Variants in GDPD4 observed in about 807,000 individuals in gnomAD.
GDPD4 encodes glycerophosphodiester phosphodiesterase domain containing 4.
GDPD4 carries 60 observed loss-of-function variants against 67.8 expected under a neutral mutation model. The ratio of observed to expected loss-of-function variants is 0.88; its 90% CI spans 0.72 to 1.10. GDPD4 has a LOEUF of 1.10. Ranked by LOEUF, GDPD4 falls within the 50% of genes least tolerant of loss-of-function variation. The pLI, the probability that GDPD4 is intolerant of heterozygous loss-of-function variation, is 0.00. For missense variants in GDPD4, 623 were observed against 613.9 expected (o/e 1.01, Z -0.16); for synonymous variants, 212 against 210.9 (o/e 1.00, Z -0.04).
At chr11:77,275,643 C>A (rs992655154) in intron 5 of GDPD4, among the ~76,000 whole-genome samples, 3 of 152,196 alleles carry the variant, frequency 2.0e-5, no homozygotes, top group Admixed American at 6.5e-5. Flanking sequence ...TCCATCTCCT[C>A]TTCCCCTGGA....
chr11:77,290,723 C>G (rs1354090589), intron 1 of GDPD4, among the ~76,000 whole-genome samples: 1 of 152,022 alleles, frequency 6.6e-6, no homozygotes, highest in East Asian at 1.9e-4. Context: ...CAAACCAAAG[C>G]CCTTCTATTT....
At chr11:77,271,244 A>G in intron 6 of GDPD4, 21 bp from the exon 7 acceptor site, 1 of 1,609,502 alleles carries the variant, frequency 6.2e-7, no homozygotes, top group Non-Finnish European at 8.5e-7. Context: ...GCCAAAAGTC[A>G]GGCTGGATAC....
rs200357973 is a variant in GDPD4, at chr11:77,292,630, G to GA, written c.-253-5211dup. On this transcript the variant is annotated intron_variant, in intron 1 of 16. Transcript: ENST00000315938. ...ATGGATAATTAAATAGAAAAAATAG[G>GA]AAAAAAAATCAATGAAATCAAAAGT... 2.1e-3 allele frequency among the ~76,000 whole-genome samples: 320 copies of GA among 151,606 alleles called. 2 individuals carry two copies. The highest frequency in any genetic ancestry group is 6.9e-3 in the African/African-American group (286 of 41,350).
At chr11:77,279,527 G>A (rs1959655465) in intron 3 of GDPD4, 128 bp from the exon 4 acceptor site, 2 of 563,310 alleles carry the variant, frequency 3.6e-6, no homozygotes, top group Admixed American at 2.9e-5. Context: ...AGCAGTGTGT[G>A]AACAGCAGCT....
At chr11:77,234,201 G>T (rs1958507721) in intron 13 of GDPD4, among the ~76,000 whole-genome samples, 1 of 152,158 alleles carries the variant, frequency 6.6e-6, no homozygotes, top group Non-Finnish European at 1.5e-5. Context: ...CTCCTTAACA[G>T]AGGTGCTAGC....
intron 3 of GDPD4, among the ~76,000 whole-genome samples, chr11:77,280,765 T>C (rs547541616): frequency 6.6e-6 from 1 of 152,338 alleles, no homozygotes; most frequent in East Asian, 1.9e-4. Context: ...GATTTGGCTT[T>C]TTCTCTCTCT....
chr11:77,220,258 G>C (rs1268506581), intron 16 of GDPD4, among the ~76,000 whole-genome samples: 2 of 152,172 alleles, frequency 1.3e-5, no homozygotes, highest in South Asian at 4.1e-4. Context: ...AATAGGAGTG[G>C]TGAGAAAGGG....
intron 1 of GDPD4, among the ~76,000 whole-genome samples, chr11:77,297,460 C>T (rs559369629): frequency 6.6e-6 from 1 of 150,584 alleles, no homozygotes; most frequent in South Asian, 2.1e-4. Flanking sequence ...GGCGTGAACC[C>T]GGGAGGCGGA....
intron 13 of GDPD4, among the ~76,000 whole-genome samples, chr11:77,234,396 G>A (rs1391630027): frequency 1.3e-5 from 2 of 152,094 alleles, no homozygotes; most frequent in Middle Eastern, 3.2e-3. Context: ...ACATGTGCAG[G>A]TTTAATACAT....
intron 10 of GDPD4, among the ~76,000 whole-genome samples, chr11:77,266,582 C>T (rs1280878145): frequency 6.6e-6 from 1 of 151,994 alleles, no homozygotes; most frequent in Non-Finnish European, 1.5e-5. Flanking sequence ...AGGAGGTATT[C>T]TAGAAGGCAT....
intron 3 of GDPD4, among the ~76,000 whole-genome samples, chr11:77,282,471 T>C (rs1159909578): frequency 3.0e-3 from 1 of 328 alleles, no homozygotes; most frequent in Admixed American, 0.026. Context: ...CTGGGCAACA[T>C]GGCGAAACCT....
At chr11:77,225,639 CTG>C (rs1424583762) in intron 16 of GDPD4, among the ~76,000 whole-genome samples, 1 of 152,086 alleles carries the variant, frequency 6.6e-6, no homozygotes, top group East Asian at 1.9e-4. Flanking sequence ...GGTAAGAAAA[CTG>C]AAACTTTACA....
chr11:77,239,510 T>C (rs1327389134), intron 13 of GDPD4, among the ~76,000 whole-genome samples: 2 of 152,162 alleles, frequency 1.3e-5, no homozygotes, highest in Admixed American at 6.5e-5. Flanking sequence ...AAAATCAACA[T>C]ACAAAAACCA....
intron 7 of GDPD4, chr11:77,270,877 G>C (rs1041770713): frequency 2.7e-4 from 120 of 442,528 alleles, no homozygotes; most frequent in Non-Finnish European, 3.5e-4. Flanking sequence ...TGTAGAGAAA[G>C]ATCTTATTTT....
At chr11:77,239,093 C>T (rs866615255) in intron 13 of GDPD4, among the ~76,000 whole-genome samples, 2 of 152,122 alleles carry the variant, frequency 1.3e-5, no homozygotes, top group Non-Finnish European at 2.9e-5. Flanking sequence ...AACACAAAAA[C>T]CATATGATCA....
intron 10 of GDPD4, among the ~76,000 whole-genome samples, chr11:77,268,004 T>C (rs1959186348): frequency 2.0e-5 from 3 of 152,146 alleles, no homozygotes; most frequent in African/African-American, 7.2e-5. Flanking sequence ...TTGCCACAAA[T>C]GGCCTTATTC....
At chr11:77,234,745 C>A (rs534998133) in intron 13 of GDPD4, among the ~76,000 whole-genome samples, 1 of 152,164 alleles carries the variant, frequency 6.6e-6, no homozygotes, top group African/African-American at 2.4e-5. Flanking sequence ...TCCAGTCCAC[C>A]ACTGATGGGC....
In GDPD4 at chr11:77,301,680, C is replaced by CT. The variant is rs1401352099; in HGVS notation, c.-330dup. 6.6e-6 allele frequency: 1 copy of CT among 152,264 alleles called. No individual in the cohort carries two copies. The highest frequency in any genetic ancestry group is 1.5e-5 in the Non-Finnish European group (1 of 68,160). 9.4% of individuals were successfully genotyped at this position (152,264 alleles called of 1,614,324 possible). A position where few individuals can be genotyped will look rare whatever the true frequency, so the allele number is the denominator to read the frequency against. On this transcript the variant is annotated 5_prime_UTR_variant, in exon 1 of 17. Transcript: ENST00000315938. ...AGCGTCTCTTAAGATGGACGCCTGGCTGGAAGGGCAGCCCGAGGGAGGCGG... is the reference window on the plus strand; with the variant it reads ...AGCGTCTCTTAAGATGGACGCCTGGCTTGGAAGGGCAGCCCGAGGGAGGCGG...
At chr11:77,250,493 A>T (rs980161222) in intron 11 of GDPD4, among the ~76,000 whole-genome samples, 2 of 152,148 alleles carry the variant, frequency 1.3e-5, no homozygotes, top group Non-Finnish European at 2.9e-5. Flanking sequence ...TCTCATTGAT[A>T]TCTAGTGTTA....
Sources: gnomAD v4.1 joint callset for allele counts (sites outside exome capture counted in the v4.1 genomes callset) on GRCh38, gnomAD v4.1.1 for gene constraint, MANE v1.5 for transcripts, NCBI Gene and HGNC (gene_info 2026-07-23, HGNC 2026-07-21) for gene names.